The following PTPRD variants were observed in gnomAD, a reference collection of about 807,000 sequenced individuals.
The protein encoded by PTPRD is protein tyrosine phosphatase receptor type D.
In PTPRD, 34 loss-of-function variants were observed where a neutral mutation model predicts 214.5. The observed-to-expected ratio is 0.16, with a 90% confidence interval of 0.12 to 0.21. PTPRD has a LOEUF of 0.21. Among genes scored for constraint, PTPRD ranks in the 10% least tolerant of loss-of-function variants. PTPRD has a pLI of 1.00. For synonymous variants in PTPRD, 1,128 were observed against 845.7 expected (o/e 1.33, Z -5.79); for missense variants, 2,545 against 2,398.7 (o/e 1.06, Z -1.27).
rs189854411 is a variant in PTPRD at position 8,577,068 on chromosome 9, G to T, written c.353-48289C>A. The stretch of plus-strand genomic sequence containing the variant: ...TATTACTAAGGTTTTCCTGATTCAA[G>T]TCTTTTTGCTTCAAAGACTACCCAA... On this transcript the variant is annotated intron_variant, in intron 14 of 45. Coordinates refer to ENST00000381196, the MANE Select transcript of PTPRD (RefSeq NM_002839.4). Among the ~76,000 whole-genome samples the T allele has an allele frequency of 3.9e-5, 6 of 152,152 alleles. No homozygotes were observed. The East Asian group carries it at 1.2e-3, about 30-fold the overall frequency.
At chr9:10,538,243 TAAA>T (rs2058293846) in intron 2 of PTPRD, among the ~76,000 whole-genome samples, 1 of 1,238 alleles carries the variant, frequency 8.1e-4, no homozygotes, top group East Asian at 0.01. Flanking sequence ...CATCATAAAA[TAAA>T]TAAATAAATA....
intron 8 of PTPRD, among the ~76,000 whole-genome samples, chr9:9,557,762 C>G (rs183849922): frequency 6.6e-6 from 1 of 152,140 alleles, no homozygotes; most frequent in South Asian, 2.1e-4. Flanking sequence ...GATCTGGAAG[C>G]CCCCTTCAAG....
At chr9:10,504,247 T>C (rs1320037766) in intron 2 of PTPRD, among the ~76,000 whole-genome samples, 2 of 149,088 alleles carry the variant, frequency 1.3e-5, no homozygotes, top group African/African-American at 2.5e-5. Flanking sequence ...CTCTCCTATC[T>C]ACATGTACAC....
Position 9,698,667 on chromosome 9 carries a change from A to G in PTPRD, c.-287+35866T>C, listed in dbSNP as rs539299338. ...ATATTTCTGCCTTCACGCCCTCCCA[A>G]TGCTTCCTATGGGTTGAGGCAGGAA... On this transcript the variant is annotated intron_variant, in intron 7 of 45. Coordinates refer to ENST00000381196, the MANE Select transcript of PTPRD (RefSeq NM_002839.4). Among the ~76,000 whole-genome samples the G allele has an allele frequency of 7.2e-5, 11 of 152,200 alleles. No individual in the cohort carries two copies. The East Asian group carries it at 9.7e-4, about 13-fold the overall frequency.
chr9:10,215,486 A>G (rs2099537082), intron 3 of PTPRD, among the ~76,000 whole-genome samples: 1 of 152,104 alleles, frequency 6.6e-6, no homozygotes, highest in African/African-American at 2.4e-5. Flanking sequence ...GGCCTACATA[A>G]TTTTGTAGTC....
intron 19 of PTPRD, among the ~76,000 whole-genome samples, chr9:8,521,905 A>C (rs879433413): frequency 9.2e-5 from 14 of 152,232 alleles, no homozygotes; most frequent in Non-Finnish European, 1.6e-4. Flanking sequence ...CTATGCAGGC[A>C]TGTATATGCA....
chr9:9,143,414 CT>C (rs1372139468), intron 10 of PTPRD, among the ~76,000 whole-genome samples: 1 of 152,156 alleles, frequency 6.6e-6, no homozygotes, highest in African/African-American at 2.4e-5. Flanking sequence ...ATCATGTTAA[CT>C]ACGTTATATT....
At position 9,213,183 on chromosome 9, in the gene PTPRD, T is replaced by G. The variant is rs771279374; in HGVS notation, c.-202-29820A>C. Among the ~76,000 whole-genome samples, 35 of 152,176 alleles carry G rather than the reference T, an allele frequency of 2.3e-4. 3 individuals are homozygous for G. Among genetic ancestry groups the G allele is most frequent in the Admixed American group, 1.9e-3 (29 of 15,264 alleles). On this transcript the variant is annotated intron_variant, in intron 9 of 45. Transcript: ENST00000381196. ...ATATTCAGTGGTTTCAGATTCTGTTTCAAGATCTTGTTGCAGAGAATTGAC... is the reference window on the plus strand; with the variant it reads ...ATATTCAGTGGTTTCAGATTCTGTTGCAAGATCTTGTTGCAGAGAATTGAC...
At chr9:8,640,099 G>A (rs923511084) in intron 12 of PTPRD, among the ~76,000 whole-genome samples, 1 of 152,016 alleles carries the variant, frequency 6.6e-6, no homozygotes, top group African/African-American at 2.4e-5. Flanking sequence ...CCTGGGTAAT[G>A]TTTTTATTAT....
At chr9:8,869,336 A>C (rs2098253629) in intron 11 of PTPRD, among the ~76,000 whole-genome samples, 1 of 152,232 alleles carries the variant, frequency 6.6e-6, no homozygotes, top group South Asian at 2.1e-4. Context: ...AAGAGTTAAC[A>C]TAATGCCTAA....
At chr9:8,924,048 G>C (rs114550805) in intron 11 of PTPRD, among the ~76,000 whole-genome samples, 5 of 152,192 alleles carry the variant, frequency 3.3e-5, no homozygotes, top group African/African-American at 1.2e-4. Flanking sequence ...TCTAAATTTA[G>C]AATGAAGAAA....
intron 9 of PTPRD, among the ~76,000 whole-genome samples, chr9:9,275,044 CATATATATATGTATATATATATT>C (rs1326962159): frequency 2.1e-5 from 2 of 94,946 alleles, no homozygotes; most frequent in Non-Finnish European, 3.9e-5. Flanking sequence ...CCTTTGTTTC[CATATATATATGTATATATATATT>C]ATATATATAT....
chr9:9,407,203 G>A (rs1028987362), intron 8 of PTPRD, among the ~76,000 whole-genome samples: 2 of 151,552 alleles, frequency 1.3e-5, no homozygotes, highest in South Asian at 2.1e-4. Flanking sequence ...GTCTGTTTTT[G>A]GTGTCTGGCT....
chr9:9,800,159 A>G (rs950115755), intron 5 of PTPRD, among the ~76,000 whole-genome samples: 1 of 152,160 alleles, frequency 6.6e-6, no homozygotes. Flanking sequence ...GGATTATCTT[A>G]ATGCCCATTT....
intron 8 of PTPRD, among the ~76,000 whole-genome samples, chr9:9,547,278 C>A (rs867839757): frequency 5.9e-4 from 90 of 152,178 alleles, no homozygotes; most frequent in African/African-American, 2.0e-3. Context: ...CCTTTACCTC[C>A]CTGAATGTGC....
At chr9:9,517,420 G>C (rs536177187) in intron 8 of PTPRD, among the ~76,000 whole-genome samples, 1 of 152,146 alleles carries the variant, frequency 6.6e-6, no homozygotes, top group South Asian at 2.1e-4. Context: ...AAAGAGCCTA[G>C]GCAAAAACAC....
chr9:9,964,111 G>GAC (rs2094535294), intron 4 of PTPRD, among the ~76,000 whole-genome samples: 3 of 151,958 alleles, frequency 2.0e-5, no homozygotes, highest in Non-Finnish European at 2.9e-5. Flanking sequence ...CAGAGACAGA[G>GAC]AGAGACAGAT....
At chr9:9,444,969 C>A (rs572687617) in intron 8 of PTPRD, among the ~76,000 whole-genome samples, 1 of 152,046 alleles carries the variant, frequency 6.6e-6, no homozygotes, top group South Asian at 2.1e-4. Context: ...TTTTCTTGCT[C>A]TATTATGTGT....
chr9:9,376,069 G>GAAGAC (rs1555323563), intron 9 of PTPRD, among the ~76,000 whole-genome samples: 2 of 151,856 alleles, frequency 1.3e-5, no homozygotes, highest in East Asian at 3.9e-4. Context: ...ATGAGAACTT[G>GAAGAC]CTCATCATTA....
Sources: gnomAD v4.1 joint callset for allele counts (sites outside exome capture counted in the v4.1 genomes callset) on GRCh38, gnomAD v4.1.1 for gene constraint, MANE v1.5 for transcripts, NCBI Gene and HGNC (gene_info 2026-07-23, HGNC 2026-07-21) for gene names.